Variants in AGMO observed in about 807,000 individuals in gnomAD.
The protein encoded by AGMO is glyceryl-ether monooxygenase.
In AGMO, 75 loss-of-function variants were observed where a neutral mutation model predicts 60.2. That is an observed-to-expected ratio of 1.25 (90% confidence interval 1.03 to 1.51). AGMO has a LOEUF of 1.51. Ranked by LOEUF, AGMO falls within the 40% of genes most tolerant of loss-of-function variation. The pLI is 0.00. For missense variants in AGMO, 763 were observed against 525.5 expected (o/e 1.45, Z -4.42); for synonymous variants, 261 against 177.1 (o/e 1.47, Z -3.76).
At chr7:15,486,461 T>C (rs566246218) in intron 3 of AGMO, among the ~76,000 whole-genome samples, 42 of 152,276 alleles carry the variant, frequency 2.8e-4, no homozygotes, top group Non-Finnish European at 1.0e-4. Context: ...AGCAAAACAT[T>C]CAAATGACTG....
chr7:15,265,910 G>A (rs929194598), intron 12 of AGMO, among the ~76,000 whole-genome samples: 4 of 152,026 alleles, frequency 2.6e-5, no homozygotes, highest in South Asian at 2.1e-4. Flanking sequence ...AGAGATAAGC[G>A]AAATATGGTA....
intron 2 of AGMO, among the ~76,000 whole-genome samples, chr7:15,556,069 CATTT>C (rs1387873279): frequency 6.6e-6 from 1 of 151,846 alleles, no homozygotes; most frequent in Admixed American, 6.6e-5. Flanking sequence ...TATATACATT[CATTT>C]GTTAGGTCTG....
chr7:15,460,264 T>C (rs954927695), intron 3 of AGMO, among the ~76,000 whole-genome samples: 1 of 151,996 alleles, frequency 6.6e-6, no homozygotes, highest in Admixed American at 6.6e-5. Context: ...ATTTGTTGTA[T>C]TTTTAGTAGA....
chr7:15,338,419 T>C (rs1172751899), intron 12 of AGMO, among the ~76,000 whole-genome samples: 5 of 151,988 alleles, frequency 3.3e-5, no homozygotes, highest in African/African-American at 7.3e-5. Flanking sequence ...ACAAAAAATT[T>C]TGCAGATAAG....
At chr7:15,379,161 A>G (rs1473752373) in intron 10 of AGMO, among the ~76,000 whole-genome samples, 1 of 152,032 alleles carries the variant, frequency 6.6e-6, no homozygotes, top group Non-Finnish European at 1.5e-5. Context: ...GTCCACATCA[A>G]GAAGTCAGAA....
chr7:15,488,531 A>G (rs1001380962), intron 3 of AGMO, among the ~76,000 whole-genome samples: 21 of 152,170 alleles, frequency 1.4e-4, no homozygotes, highest in Non-Finnish European at 3.1e-4. Flanking sequence ...GGAGCATATA[A>G]CATAAACCTC....
chr7:15,344,044 G>C (rs1287257859), intron 12 of AGMO, among the ~76,000 whole-genome samples: 1 of 152,050 alleles, frequency 6.6e-6, no homozygotes, highest in East Asian at 1.9e-4. Context: ...ATAGACACTT[G>C]TCAGACATGG....
At chr7:15,526,406 G>A (rs1197700468) in intron 3 of AGMO, among the ~76,000 whole-genome samples, 3 of 152,166 alleles carry the variant, frequency 2.0e-5, no homozygotes, top group Middle Eastern at 3.4e-3. Flanking sequence ...TTAACAAATC[G>A]GAAAGTAAAG....
chr7:15,135,040 T>C, the AGMO span, among the ~76,000 whole-genome samples: 1 of 151,684 alleles, frequency 6.6e-6, no homozygotes, highest in African/African-American at 2.4e-5. Flanking sequence ...ATAAATTATT[T>C]GTAGATAAGT....
intron 12 of AGMO, among the ~76,000 whole-genome samples, chr7:15,359,163 C>A (rs139408223): frequency 0.1 from 15,365 of 151,812 alleles, 908 homozygotes; most frequent in Admixed American, 0.18. Context: ...GTGGCAGGAA[C>A]CTGTAGTCCC....
intron 12 of AGMO, among the ~76,000 whole-genome samples, chr7:15,340,009 A>G (rs928374303): frequency 3.9e-5 from 6 of 152,130 alleles, no homozygotes; most frequent in African/African-American, 1.4e-4. Context: ...GCACAGATAC[A>G]AGTACAAGTT....
intron 3 of AGMO, among the ~76,000 whole-genome samples, chr7:15,529,749 T>C (rs1784252464): frequency 8.9e-6 from 1 of 112,014 alleles, no homozygotes; most frequent in Non-Finnish European, 1.7e-5. Context: ...TATATATATA[T>C]TTCTATATAT....
chr7:15,508,373 T>C (rs1783578727), intron 3 of AGMO, among the ~76,000 whole-genome samples: 1 of 152,170 alleles, frequency 6.6e-6, no homozygotes, highest in Non-Finnish European at 1.5e-5. Flanking sequence ...TTGACATCTG[T>C]AAAGTAACTG....
rs1221973889 is a variant in AGMO at position 15,391,025 on chromosome 7, CTGGGAA to C, written c.677-126_677-121del. 1.8e-5 allele frequency: 11 copies of C among 602,660 alleles called. No homozygotes were observed. The African/African-American group carries it at 2.1e-4, about 11-fold the overall frequency. 37.3% of individuals were successfully genotyped at this position (602,660 alleles called of 1,614,324 possible). On this transcript the variant is annotated intron_variant, in intron 6 of 12. Transcript: ENST00000342526. ...CAGATTTAAACAGGGTACAATTTCC[CTGGGAA>C]TGTCTTCTCATTTATAACATCAGAT...
chr7:15,317,967 T>G (rs4256499), intron 12 of AGMO, among the ~76,000 whole-genome samples: 1 of 144,752 alleles, frequency 6.9e-6, no homozygotes, highest in Non-Finnish European at 1.5e-5. Flanking sequence ...TATATATATA[T>G]ACACACACAC....
chr7:15,207,921 G>A (rs983709578), intron 12 of AGMO, among the ~76,000 whole-genome samples: 1 of 152,130 alleles, frequency 6.6e-6, no homozygotes, highest in Non-Finnish European at 1.5e-5. Context: ...GTGACAGTGC[G>A]AGACTCTGTC....
chr7:15,314,169 T>G (rs188756538), intron 12 of AGMO, among the ~76,000 whole-genome samples: 1 of 151,984 alleles, frequency 6.6e-6, no homozygotes, highest in Non-Finnish European at 1.5e-5. Flanking sequence ...GTGATTTACA[T>G]CCGGGGTGAG....
chr7:15,386,615 T>A (rs1783926463), intron 9 of AGMO, among the ~76,000 whole-genome samples: 1 of 152,116 alleles, frequency 6.6e-6, no homozygotes, highest in Admixed American at 6.5e-5. Flanking sequence ...TAGATCAGGA[T>A]TTTTTCAAAA....
At chr7:15,394,311 A>G in intron 5 of AGMO, 132 bp from the exon 6 acceptor site, 1 of 687,312 alleles carries the variant, frequency 1.5e-6, no homozygotes, top group Non-Finnish European at 2.5e-6. Flanking sequence ...AGAGAGTGGA[A>G]AAAAGTTCCA....
Sources: allele counts gnomAD v4.1 joint callset (sites outside exome capture counted in the v4.1 genomes callset), GRCh38; gene constraint gnomAD v4.1.1; transcripts MANE v1.5; gene names NCBI Gene and HGNC (gene_info 2026-07-23, HGNC 2026-07-21).